The following RORA variants were observed in gnomAD, a reference collection of about 807,000 sequenced individuals.
RORA encodes the protein RAR related orphan receptor A, also known as nuclear receptor ROR-alpha.
A neutral mutation model predicts 69.5 loss-of-function variants in RORA; 7 were observed. The observed-to-expected ratio is 0.10, with a 90% CI of 0.06 to 0.19. The LOEUF is 0.19. RORA is among the 10% of genes least tolerant of loss of function. RORA has a pLI of 1.00. For missense variants in RORA, 457 were observed against 663.0 expected (o/e 0.69, Z 3.41); for synonymous variants, 261 against 240.8 (o/e 1.08, Z -0.78).
At chr15:61,048,495 G>T (rs1283607372) in intron 1 of RORA, among the ~76,000 whole-genome samples, 2 of 152,130 alleles carry the variant, frequency 1.3e-5, no homozygotes, top group Non-Finnish European at 2.9e-5. Context: ...CTCCTGTCCC[G>T]GGGGAACTGT....
intron 2 of RORA, among the ~76,000 whole-genome samples, chr15:60,554,227 G>GACATA (rs2067298954): frequency 1.3e-5 from 2 of 152,252 alleles, no homozygotes; most frequent in African/African-American, 4.8e-5. Context: ...AGCTATGACA[G>GACATA]GGCCTGGGGT....
intron 1 of RORA, among the ~76,000 whole-genome samples, 175 bp from the exon 2 acceptor site, chr15:60,678,861 C>T (rs1338239398): frequency 6.6e-6 from 1 of 152,126 alleles, no homozygotes; most frequent in Admixed American, 6.6e-5. Flanking sequence ...GGCATGCAAC[C>T]GTGACTGATG....
intron 1 of RORA, among the ~76,000 whole-genome samples, chr15:60,835,635 A>C (rs555843367): frequency 6.6e-6 from 1 of 152,290 alleles, no homozygotes; most frequent in Admixed American, 6.5e-5. Flanking sequence ...GACCATCTCT[A>C]TTTTACAGGT....
At chr15:60,855,597 T>C (rs1157144722) in intron 1 of RORA, among the ~76,000 whole-genome samples, 1 of 150,636 alleles carries the variant, frequency 6.6e-6, no homozygotes, top group African/African-American at 2.4e-5. Context: ...ATTTATTCTC[T>C]TGCAGTGTTT....
intron 1 of RORA, among the ~76,000 whole-genome samples, chr15:60,777,903 G>A (rs1036242469): frequency 3.3e-5 from 5 of 152,298 alleles, no homozygotes; most frequent in Middle Eastern, 3.4e-3. Flanking sequence ...AGTGGGTTAC[G>A]GTTGCCTCAC....
chr15:61,008,603 T>C (rs1451117391), intron 1 of RORA, among the ~76,000 whole-genome samples: 3 of 152,124 alleles, frequency 2.0e-5, no homozygotes, highest in Admixed American at 2.0e-4. Context: ...ATCAGGTCAT[T>C]TATGCTATCA....
chr15:60,666,670 A>G (rs1376778622), intron 2 of RORA, among the ~76,000 whole-genome samples: 1 of 152,206 alleles, frequency 6.6e-6, no homozygotes, highest in Non-Finnish European at 1.5e-5. Context: ...AAGACTTTAT[A>G]GGTGCAGAAG....
At chr15:60,756,693 CAT>C (rs935865189) in intron 1 of RORA, among the ~76,000 whole-genome samples, 47 of 152,184 alleles carry the variant, frequency 3.1e-4, no homozygotes, top group South Asian at 1.0e-3. Context: ...AAATAAATCA[CAT>C]GTTTTTACCC....
intron 1 of RORA, among the ~76,000 whole-genome samples, chr15:60,740,109 T>C (rs552222969): frequency 6.6e-6 from 1 of 152,148 alleles, no homozygotes; most frequent in Admixed American, 6.5e-5. Flanking sequence ...AGATTATCAC[T>C]CCCTTTTTTT....
At chr15:61,216,245 T>G (rs1009527282) in intron 1 of RORA, among the ~76,000 whole-genome samples, 9 of 152,242 alleles carry the variant, frequency 5.9e-5, no homozygotes, top group African/African-American at 2.2e-4. Flanking sequence ...TGACATTATT[T>G]TCCTGGGTTT....
intron 1 of RORA, among the ~76,000 whole-genome samples, chr15:61,069,152 AAAG>A (rs1353875193): frequency 8.5e-5 from 13 of 152,236 alleles, no homozygotes; most frequent in South Asian, 2.1e-4. Flanking sequence ...GATAATTTAA[AAAG>A]AAGATTAATC....
At chr15:60,966,487 A>G (rs1893556999) in intron 1 of RORA, among the ~76,000 whole-genome samples, 1 of 152,210 alleles carries the variant, frequency 6.6e-6, no homozygotes, top group Non-Finnish European at 1.5e-5. Context: ...TAAAATTTGT[A>G]AGCTCCAAGA....
intron 2 of RORA, among the ~76,000 whole-genome samples, chr15:60,674,428 A>G (rs775974649): frequency 3.9e-5 from 6 of 152,188 alleles, no homozygotes; most frequent in Admixed American, 6.5e-5. Context: ...AGGCCTCAAA[A>G]CTAATTTTCT....
intron 1 of RORA, among the ~76,000 whole-genome samples, chr15:60,885,153 C>T (rs1235990372): frequency 6.6e-6 from 1 of 152,188 alleles, no homozygotes; most frequent in Non-Finnish European, 1.5e-5. Context: ...GTCTATAATA[C>T]TTTGACAAAT....
chr15:60,618,820 C>A (rs1216790324), intron 2 of RORA, among the ~76,000 whole-genome samples: 1 of 152,156 alleles, frequency 6.6e-6, no homozygotes, highest in African/African-American at 2.4e-5. Context: ...TCCTGCCTTG[C>A]CATTTCTCCA....
intron 1 of RORA, among the ~76,000 whole-genome samples, chr15:60,864,533 A>T (rs1208989869): frequency 6.6e-6 from 1 of 151,940 alleles, no homozygotes; most frequent in African/African-American, 2.4e-5. Context: ...GGACACTCCA[A>T]ATGTGATTTA....
intron 1 of RORA, among the ~76,000 whole-genome samples, chr15:60,935,796 G>A (rs1200810895): frequency 1.3e-5 from 2 of 152,218 alleles, no homozygotes; most frequent in African/African-American, 4.8e-5. Flanking sequence ...GCCAGATGCT[G>A]CACAAATGAT....
intron 1 of RORA, among the ~76,000 whole-genome samples, chr15:60,836,363 G>C (rs1230842972): frequency 3.9e-5 from 6 of 152,074 alleles, no homozygotes; most frequent in Non-Finnish European, 8.8e-5. Flanking sequence ...AAGGAGAAGA[G>C]ATGTAAATTC....
intron 1 of RORA, among the ~76,000 whole-genome samples, chr15:60,801,284 G>C (rs566010197): frequency 5.3e-5 from 8 of 152,160 alleles, no homozygotes; most frequent in Admixed American, 2.0e-4. Flanking sequence ...CCCCTCCTTC[G>C]ACAGCTTTAT....
Sources: gnomAD v4.1 joint callset for allele counts (sites outside exome capture counted in the v4.1 genomes callset) on GRCh38, gnomAD v4.1.1 for gene constraint, MANE v1.5 for transcripts, NCBI Gene and HGNC (gene_info 2026-07-23, HGNC 2026-07-21) for gene names.